Variants in HDAC9 observed in about 807,000 individuals in gnomAD.
The protein encoded by HDAC9 is MEF-2 interacting transcription repressor (MITR) protein.
HDAC9 carries 41 observed loss-of-function variants against 139.4 expected under a neutral mutation model. The ratio of observed to expected loss-of-function variants is 0.29; its 90% CI spans 0.23 to 0.38. The LOEUF is 0.38. Ranked by LOEUF, HDAC9 falls within the 10% of genes least tolerant of loss-of-function variation. HDAC9 has a pLI of 1.00. For synonymous variants in HDAC9, 517 were observed against 476.2 expected (o/e 1.09, Z -1.12); for missense variants, 1,147 against 1,297.0 (o/e 0.88, Z 1.78).
At chr7:18,505,859 C>G (rs1262255203) in intron 2 of HDAC9, 4 of 152,162 alleles carry the variant, frequency 2.6e-5, no homozygotes, top group Admixed American at 6.5e-5. Flanking sequence ...TCATTAAATG[C>G]ATTAAAACCT....
rs1288714230 is a variant in HDAC9, at chr7:18,226,432, A to G, written c.25+64083A>G. Among the ~76,000 whole-genome samples, 13 of 152,260 alleles carry G rather than the reference A, an allele frequency of 8.5e-5. No individual in the cohort carries two copies. The East Asian group carries it at 2.5e-3, about 29-fold the overall frequency. On this transcript the variant is annotated intron_variant, in intron 2 of 12. Transcript: ENST00000417496. The stretch of plus-strand genomic sequence containing the variant: ...AACTCCCAGGAAAAAAAAAAGGGAT[A>G]GAAGAGGCAGACTATACATTGCCCT...
At chr7:18,569,009 T>G (rs2128735707) in intron 2 of HDAC9, among the ~76,000 whole-genome samples, 1 of 152,140 alleles carries the variant, frequency 6.6e-6, no homozygotes, top group East Asian at 1.9e-4. Context: ...ATCACGCCAT[T>G]GCACTCCAGC....
At chr7:18,212,218 T>A (rs917973394) in intron 2 of HDAC9, among the ~76,000 whole-genome samples, 1 of 152,194 alleles carries the variant, frequency 6.6e-6, no homozygotes, top group Non-Finnish European at 1.5e-5. Flanking sequence ...AAAAATCTTC[T>A]TTATCTTTTT....
chr7:18,906,237 C>G (rs897105300), intron 22 of HDAC9, among the ~76,000 whole-genome samples: 4 of 151,834 alleles, frequency 2.6e-5, no homozygotes, highest in Non-Finnish European at 4.4e-5. Context: ...AGACGCCTCC[C>G]AGGCTCAAGT....
At chr7:18,316,633 C>CAG (rs1554369546) in intron 1 of HDAC9, among the ~76,000 whole-genome samples, 1 of 100,318 alleles carries the variant, frequency 1.0e-5, no homozygotes, top group African/African-American at 4.2e-5. Flanking sequence ...CAGATCTCTC[C>CAG]AAAAAAAAAA....
chr7:18,630,766 T>C (rs1454880393), intron 7 of HDAC9, among the ~76,000 whole-genome samples: 2 of 152,120 alleles, frequency 1.3e-5, no homozygotes, highest in African/African-American at 2.4e-5. Context: ...GGAAATACTA[T>C]TGTATGTAAG....
intron 1 of HDAC9, among the ~76,000 whole-genome samples, chr7:18,093,353 A>G (rs1782290666): frequency 6.6e-6 from 1 of 152,172 alleles, no homozygotes; most frequent in Admixed American, 6.5e-5. Context: ...CAGTAAGTGA[A>G]GTTTCCAGGG....
intron 2 of HDAC9, among the ~76,000 whole-genome samples, chr7:18,584,308 T>G (rs538305629): frequency 3.9e-5 from 6 of 152,018 alleles, no homozygotes; most frequent in African/African-American, 1.4e-4. Flanking sequence ...TTTTGTATTT[T>G]TAGTAGAGAA....
chr7:18,969,541 A>G (rs568345469), intron 24 of HDAC9, among the ~76,000 whole-genome samples: 3 of 152,226 alleles, frequency 2.0e-5, no homozygotes, highest in Non-Finnish European at 4.4e-5. Flanking sequence ...AAATGTAGGA[A>G]AGGGATCACA....
At chr7:18,617,698 C>T (rs952604889) in intron 6 of HDAC9, among the ~76,000 whole-genome samples, 3 of 152,112 alleles carry the variant, frequency 2.0e-5, no homozygotes, top group Non-Finnish European at 4.4e-5. Flanking sequence ...GTTGAGGAAT[C>T]CTTGAGGACA....
At chr7:18,501,180 A>G (rs994740983) in intron 2 of HDAC9, among the ~76,000 whole-genome samples, 1 of 152,178 alleles carries the variant, frequency 6.6e-6, no homozygotes, top group African/African-American at 2.4e-5. Flanking sequence ...TTATCAAAGT[A>G]ACGAGGGAAC....
chr7:18,267,749 G>T (rs1394174423), intron 2 of HDAC9, among the ~76,000 whole-genome samples: 2 of 152,058 alleles, frequency 1.3e-5, no homozygotes, highest in Non-Finnish European at 2.9e-5. Context: ...TAATGCTGCA[G>T]TGAACATGGC....
At chr7:18,685,513 G>A (rs188510427) in intron 12 of HDAC9, among the ~76,000 whole-genome samples, 1 of 152,122 alleles carries the variant, frequency 6.6e-6, no homozygotes. Context: ...TATAGCCACA[G>A]CTTTCTTGAC....
chr7:18,719,453 C>A (rs144600503), intron 12 of HDAC9, among the ~76,000 whole-genome samples: 1,837 of 148,650 alleles, frequency 0.012, 30 homozygotes, highest in African/African-American at 0.043. Context: ...GATTCTCCTG[C>A]CTCAGCCTCC....
intron 21 of HDAC9, among the ~76,000 whole-genome samples, chr7:18,836,850 AT>A (rs143756812): frequency 0.034 from 5,227 of 152,080 alleles, 242 homozygotes; most frequent in African/African-American, 0.1. Flanking sequence ...AATTTCTCGA[AT>A]TTTTTATTTA....
At chr7:18,419,035 A>C (rs1318947393) in intron 1 of HDAC9, among the ~76,000 whole-genome samples, 2 of 152,220 alleles carry the variant, frequency 1.3e-5, no homozygotes, top group African/African-American at 2.4e-5. Context: ...TGAATGGCTA[A>C]CTTGTGTCAT....
chr7:18,151,386 G>A (rs1786768301), intron 1 of HDAC9, among the ~76,000 whole-genome samples: 1 of 152,154 alleles, frequency 6.6e-6, no homozygotes, highest in South Asian at 2.1e-4. Context: ...ATTCTTCACA[G>A]GAATAATGAG....
chr7:18,854,873 A>G (rs1359859386), intron 21 of HDAC9, among the ~76,000 whole-genome samples: 1 of 152,160 alleles, frequency 6.6e-6, no homozygotes, highest in South Asian at 2.1e-4. Flanking sequence ...TTAATGGTCT[A>G]TATATTTTGA....
intron 13 of HDAC9, among the ~76,000 whole-genome samples, chr7:18,743,814 T>C (rs906073843): frequency 6.6e-6 from 1 of 151,942 alleles, no homozygotes; most frequent in African/African-American, 2.4e-5. Context: ...ATGCATGAGA[T>C]TTGACGGTCA....
Sources: gnomAD v4.1 joint callset for allele counts (sites outside exome capture counted in the v4.1 genomes callset) on GRCh38, gnomAD v4.1.1 for gene constraint, MANE v1.5 for transcripts, NCBI Gene and HGNC (gene_info 2026-07-23, HGNC 2026-07-21) for gene names.